Variants in MYRF observed in about 807,000 individuals in gnomAD.
MYRF encodes the protein myelin regulatory factor.
A neutral mutation model predicts 126.3 loss-of-function variants in MYRF; 16 were observed. The observed-to-expected ratio is 0.13, with a 90% CI of 0.09 to 0.19. The LOEUF (loss-of-function observed/expected upper bound fraction) is 0.19. Among genes scored for constraint, MYRF ranks in the 10% least tolerant of loss-of-function variants. The pLI, the probability that MYRF is intolerant of heterozygous loss-of-function variation, is 1.00. For missense variants in MYRF, 1,104 were observed against 1,547.0 expected, an observed-to-expected ratio of 0.71 and a Z score of 4.80; for synonymous variants, 608 against 635.3, an observed-to-expected ratio of 0.96 and a Z score of 0.65.
chr11:61,781,706 T>TG lies in MYRF; in HGVS notation c.2904dup (p.Gln969AlafsTer29). ...TGGCCAGCCCTGCAGTCCCCTTCCC[T>TG]GGGGGGCAGGGCAAAGCCAAGAACA... is the stretch of plus-strand genomic sequence containing the variant. On this transcript the variant is annotated frameshift_variant, in exon 22 of 27. Transcript: ENST00000278836. LOFTEE classifies it high-confidence loss of function. 6.2e-7 allele frequency: 1 copy of TG among 1,613,338 alleles called. No homozygotes were observed.
At chr11:61,758,280 G>C (rs2065813314) in intron 1 of MYRF, among the ~76,000 whole-genome samples, 1 of 152,220 alleles carries the variant, frequency 6.6e-6, no homozygotes, top group Admixed American at 6.5e-5. Context: ...CACAGCCTCT[G>C]TCTCTCCTTT....
intron 7 of MYRF, among the ~76,000 whole-genome samples, chr11:61,773,003 T>C (rs902710746): frequency 2.0e-4 from 14 of 68,688 alleles, no homozygotes; most frequent in Middle Eastern, 9.3e-3. Flanking sequence ...CAACAGTTGC[T>C]CTTTTTTTTT....
chr11:61,777,517 G>A lies in MYRF; in HGVS notation c.1791+53G>A. 1 of 1,530,842 alleles carries A rather than the reference G, an allele frequency of 6.5e-7. No individual in the cohort carries two copies. Among genetic ancestry groups the A allele is most frequent in the South Asian group, 1.2e-5 (1 of 83,766 alleles). The allele number at this position is 1,530,842 out of a possible 1,614,324, so 94.8% of individuals were successfully genotyped here. On this transcript the variant is annotated intron_variant, in intron 12 of 26. Transcript: ENST00000278836. The surrounding 1 kb of genome is among the most constrained non-coding windows in gnomAD (Gnocchi z 8.8). Reference sequence around the variant, plus strand: ...GGGTCCAGACGCTGGAGCGGGCCGCGGGGGCGGGGCTCCTGGGGAGGGGGC... The same window carrying A: ...GGGTCCAGACGCTGGAGCGGGCCGCAGGGGCGGGGCTCCTGGGGAGGGGGC...
Position 61,777,598 on chromosome 11 carries a change from GA to G in MYRF, c.1792-134del. The G allele has an allele frequency of 1.5e-6, 2 of 1,347,814 alleles. No homozygotes were observed. The highest frequency in any genetic ancestry group is 2.0e-6 in the Non-Finnish European group (2 of 980,292). 83.5% of individuals were successfully genotyped at this position (1,347,814 alleles called of 1,614,324 possible). A position where few individuals can be genotyped will look rare whatever the true frequency, so the allele number is the denominator to read the frequency against. On this transcript the variant is annotated intron_variant, in intron 12 of 26. Coordinates refer to ENST00000278836, the MANE Select transcript of MYRF (RefSeq NM_001127392.3). The surrounding 1 kb of genome is among the most constrained non-coding windows in gnomAD (Gnocchi z 8.8). Reference sequence around the variant, plus strand: ...GAAGGAAGGGAGGGAGGCTGGCCTCGAATCCCGATCTAACCACTCCAGTGGT... The same window carrying G: ...GAAGGAAGGGAGGGAGGCTGGCCTCGATCCCGATCTAACCACTCCAGTGGT...
At chr11:61,769,972 T>C (rs886393585) in intron 4 of MYRF, among the ~76,000 whole-genome samples, 1 of 151,880 alleles carries the variant, frequency 6.6e-6, no homozygotes, top group African/African-American at 2.4e-5. Flanking sequence ...GGGGGACCTT[T>C]AGATTTGGGT....
At chr11:61,781,375 TAGAGAG>T (rs758957316) in intron 21 of MYRF, 46 bp downstream of exon 21, 35 of 1,602,836 alleles carry the variant, frequency 2.2e-5, no homozygotes, top group Non-Finnish European at 2.8e-5. Flanking sequence ...GCTACCTGCG[TAGAGAG>T]AAAGGCCCAA....
intron 7 of MYRF, among the ~76,000 whole-genome samples, chr11:61,772,629 G>A (rs943438318): frequency 6.6e-5 from 10 of 152,240 alleles, no homozygotes; most frequent in Admixed American, 2.6e-4. Context: ...CCTGCCAGGT[G>A]GGGGTGCAGT....
Position 61,786,425 on chromosome 11 carries a change from T to C in MYRF, c.*282T>C, listed in dbSNP as rs371066294. On this transcript the variant is annotated 3_prime_UTR_variant, in exon 27 of 27. Coordinates refer to ENST00000278836, the MANE Select transcript of MYRF (RefSeq NM_001127392.3). This position sits in a 1 kb window ranked among gnomAD's most constrained non-coding sequence, Gnocchi z 4.5. ...GGACCAGTTTACCTCTTTCCAGATA[T>C]GGTGGTTGGAGGGCTGGTTCAGGTG... 1.5e-5 allele frequency: 7 copies of C among 467,192 alleles called. No individual in the cohort carries two copies. The East Asian group carries it at 2.6e-4, about 18-fold the overall frequency. The allele number at this position is 467,192 out of a possible 1,614,324, so 28.9% of individuals were successfully genotyped here. A position where few individuals can be genotyped will look rare whatever the true frequency, so the allele number is the denominator to read the frequency against.
At chr11:61,754,752 G>A (rs1411098429) in intron 1 of MYRF, among the ~76,000 whole-genome samples, 1 of 152,220 alleles carries the variant, frequency 6.6e-6, no homozygotes. Context: ...AATGTCTGTG[G>A]GGAGCAGGGG....
intron 7 of MYRF, 69 bp downstream of exon 7, chr11:61,772,021 C>T: frequency 1.9e-6 from 3 of 1,584,632 alleles, no homozygotes; most frequent in East Asian, 2.2e-5. Flanking sequence ...CCCAGGACCC[C>T]ATCAAGGTCC....
At chr11:61,779,788 G>A in intron 16 of MYRF, 54 bp from the exon 17 acceptor site, 1 of 1,545,322 alleles carries the variant, frequency 6.5e-7, no homozygotes, top group South Asian at 1.1e-5. Context: ...AGCCCACTGG[G>A]GACAGCCTCA....
intron 4 of MYRF, among the ~76,000 whole-genome samples, chr11:61,769,895 G>A (rs1424455168): frequency 6.6e-6 from 1 of 152,126 alleles, no homozygotes; most frequent in Non-Finnish European, 1.5e-5. Flanking sequence ...GGCCTGGGCT[G>A]GGGGTCTCCG....
At position 61,778,568 on chromosome 11, in the gene MYRF, A is replaced by T. The variant is rs1300098665; in HGVS notation, c.2013+79A>T. On this transcript the variant is annotated intron_variant, in intron 14 of 26. Transcript: ENST00000278836. This position sits in a 1 kb window ranked among gnomAD's most constrained non-coding sequence, Gnocchi z 4.6. ...GGGAACACTCATCACCTCCATAGAT[A>T]CTGGGGGCACTGCAAAGCAGAGGCA... The T allele has an allele frequency of 4.9e-6, 5 of 1,023,194 alleles. No homozygotes were observed. Among genetic ancestry groups the T allele is most frequent in the Non-Finnish European group, 7.7e-6 (5 of 646,516 alleles). The allele number at this position is 1,023,194 out of a possible 1,614,324, so 63.4% of individuals were successfully genotyped here.
rs1424449180 is a variant in MYRF at position 61,770,225 on chromosome 11, G to A, written c.461-21G>A. The A allele has an allele frequency of 1.7e-5, 27 of 1,570,816 alleles. No individual in the cohort carries two copies. The East Asian group carries it at 3.2e-4, about 19-fold the overall frequency. On this transcript the variant is annotated intron_variant, in intron 4 of 26. Transcript: ENST00000278836. Reference sequence around the variant, plus strand: ...TGAGTGAGGTTGGTCTCAGATGCCCGCTCCCCCATCTCTCCTGCAGAGCCC... The same window carrying A: ...TGAGTGAGGTTGGTCTCAGATGCCCACTCCCCCATCTCTCCTGCAGAGCCC...
chr11:61,783,329 C>T lies in MYRF; in HGVS notation c.3017-169C>T, dbSNP rs574237147. 4.4e-5 allele frequency: 27 copies of T among 611,678 alleles called. No homozygotes were observed. The South Asian group carries it at 4.6e-4, about 10-fold the overall frequency. 37.9% of individuals were successfully genotyped at this position (611,678 alleles called of 1,614,324 possible). ...TCATGGGAACTGGGTAGTCCTAGGGCTGCTGAGGAAAGGGTGTAGTGTGAT... is the reference window on the plus strand; with the variant it reads ...TCATGGGAACTGGGTAGTCCTAGGGTTGCTGAGGAAAGGGTGTAGTGTGAT... On this transcript the variant is annotated intron_variant, in intron 22 of 26. Coordinates refer to ENST00000278836, the MANE Select transcript of MYRF (RefSeq NM_001127392.3). This position sits in a 1 kb window ranked among gnomAD's most constrained non-coding sequence, Gnocchi z 4.6.
intron 1 of MYRF, among the ~76,000 whole-genome samples, chr11:61,760,347 G>A (rs2065866164): frequency 6.6e-6 from 1 of 152,194 alleles, no homozygotes; most frequent in Admixed American, 6.5e-5. Context: ...AAACTGGTTG[G>A]GAGATGAGCC....
chr11:61,755,280 T>C (rs1339942848), intron 1 of MYRF: 5 of 1,284,124 alleles, frequency 3.9e-6, no homozygotes, highest in Non-Finnish European at 5.4e-6. Context: ...GCTTTGGACC[T>C]CAGGTGGGAG....
intron 14 of MYRF, 147 bp from the exon 15 acceptor site, chr11:61,779,116 G>A (rs779185985): frequency 8.2e-6 from 7 of 853,494 alleles, no homozygotes; most frequent in South Asian, 1.7e-5. Flanking sequence ...GGAGGGGCCC[G>A]CCCAGGTAGG....
intron 1 of MYRF, among the ~76,000 whole-genome samples, chr11:61,752,993 C>T (rs1409874410): frequency 6.6e-6 from 1 of 152,048 alleles, no homozygotes; most frequent in Non-Finnish European, 1.5e-5. Context: ...GTTGGGCTCC[C>T]CCTCCCCGCT....
Sources: allele counts gnomAD v4.1 joint callset (sites outside exome capture counted in the v4.1 genomes callset), GRCh38; gene constraint gnomAD v4.1.1; non-coding constraint Gnocchi (gnomAD v3.1); transcripts MANE v1.5; gene names NCBI Gene and HGNC (gene_info 2026-07-23, HGNC 2026-07-21).